CCNL2: variants seen among roughly 807,000 people sequenced by gnomAD.
The protein encoded by CCNL2 is cyclin-L2.
CCNL2 carries 28 observed loss-of-function variants against 59.1 expected under a neutral mutation model. That is an observed-to-expected ratio of 0.47 (90% confidence interval 0.35 to 0.65). The LOEUF (loss-of-function observed/expected upper bound fraction) is 0.65, where lower values mean the gene tolerates loss of function less well. CCNL2 is among the 30% of genes least tolerant of loss of function. CCNL2 has a pLI of 0.00. For missense variants in CCNL2, 714 were observed against 717.4 expected (o/e 1.00, Z 0.05); for synonymous variants, 342 against 288.6 (o/e 1.19, Z -1.88).
chr1:1,395,030 C>T (rs915503064), intron 4 of CCNL2, among the ~76,000 whole-genome samples: 1 of 152,074 alleles, frequency 6.6e-6, no homozygotes, highest in African/African-American at 2.4e-5. Flanking sequence ...TGCCACTGCA[C>T]TCCAGCCTGG....
In CCNL2 at chr1:1,390,857, A is replaced by G; in HGVS notation, c.668T>C (p.Met223Thr). 1 of 1,614,014 alleles carries G rather than the reference A, an allele frequency of 6.2e-7. No homozygotes were observed. Residue 223 changes from methionine (M) to threonine (T), a missense_variant, in exon 6 of 11, where the codon ATG (methionine) becomes ACG (threonine). Around this residue, in one of 5 missense-constraint regions of CCNL2, gnomAD observed 19 missense variants for 40.8 expected, o/e 0.47. Coordinates refer to ENST00000400809, the MANE Select transcript of CCNL2 (RefSeq NM_030937.6). ...QHLVQTSWNY[M>T]NDSLRTDVFV... ...GACGTCGGTGCGAAGGCTGTCGTTC[A>G]TGTAATTCCTGGAAGCCAAACACAG...
At chr1:1,398,734 T>A (rs1645195787) in intron 1 of CCNL2, 63 bp from the exon 2 acceptor site, 3 of 1,472,286 alleles carry the variant, frequency 2.0e-6, no homozygotes, top group Non-Finnish European at 2.9e-6. Flanking sequence ...CGGCCGAAAG[T>A]CATCGAGTAA....
intron 2 of CCNL2, 47 bp downstream of exon 2, chr1:1,398,550 A>G: frequency 6.3e-7 from 1 of 1,596,498 alleles, no homozygotes; most frequent in Non-Finnish European, 8.6e-7. Flanking sequence ...AAACCGTTTT[A>G]CCCTCAACAT....
In CCNL2 at chr1:1,390,449, G is replaced by C. The variant is rs1433844732; in HGVS notation, c.864+10C>G. 3 of 1,612,660 alleles carry C rather than the reference G, an allele frequency of 1.9e-6. No individual in the cohort carries two copies. Among genetic ancestry groups the C allele is most frequent in the South Asian group, 1.1e-5 (1 of 90,810 alleles). On this transcript the variant is annotated intron_variant, in intron 7 of 10. Coordinates refer to ENST00000400809, the MANE Select transcript of CCNL2 (RefSeq NM_030937.6). ...AAACGCATACGTTACATGAAAAAATGCCGAAGAACCTTTTTCCGAGCATAA... is the reference window on the plus strand; with the variant it reads ...AAACGCATACGTTACATGAAAAAATCCCGAAGAACCTTTTTCCGAGCATAA...
intron 3 of CCNL2, among the ~76,000 whole-genome samples, chr1:1,397,114 T>C (rs1403603081): frequency 6.6e-6 from 1 of 152,034 alleles, no homozygotes; most frequent in Non-Finnish European, 1.5e-5. Context: ...ACTCCTGACC[T>C]TAGGTGATCC....
At chr1:1,394,752 GAAAAAA>G (rs745453245) in intron 4 of CCNL2, among the ~76,000 whole-genome samples, 1 of 42,822 alleles carries the variant, frequency 2.3e-5, no homozygotes, top group African/African-American at 7.3e-5. Context: ...TCCGTCTCAA[GAAAAAA>G]AAAAAAAAAA....
In CCNL2 at chr1:1,387,987, G is replaced by C. The variant is rs369827861; in HGVS notation, c.1085C>G (p.Ala362Gly). ...GGGGCTGTCCGCCTTGGCTTTCTTG[G>C]CGCCCTCCAGCCTCCTCTTGGTGTT... ...VKNTKRRLEG[A>G]KKAKADSPVN... Residue 362 changes from alanine (A) to glycine (G), a missense_variant, in exon 9 of 11, where the codon GCC becomes GGC. Around this residue, in one of 5 missense-constraint regions of CCNL2, gnomAD observed 403 missense variants for 377.7 expected, o/e 1.07. Coordinates refer to ENST00000400809, the MANE Select transcript of CCNL2 (RefSeq NM_030937.6). 1.4e-5 allele frequency: 23 copies of C among 1,613,946 alleles called. No homozygotes were observed. In the African/African-American group the frequency reaches 3.1e-4, roughly 22 times the overall value.
In CCNL2 at chr1:1,387,494, G is replaced by A. The variant is rs761122977; in HGVS notation, c.1300C>T (p.Arg434Cys). The A allele has an allele frequency of 1.0e-5, 16 of 1,595,132 alleles. 1 individual carries two copies. Among genetic ancestry groups the A allele is most frequent in the African/African-American group, 2.7e-5 (2 of 74,196 alleles). The part of the protein sequence containing the change: ...RSDSPPRQAP[R>C]SAPYKGSEIR... ...TCAGAGCCTTTGTAGGGAGCGCTGCGGGGGGCCTGTCTCGGTGGGGAGTCA... is the reference window on the plus strand; with the variant it reads ...TCAGAGCCTTTGTAGGGAGCGCTGCAGGGGGCCTGTCTCGGTGGGGAGTCA... Residue 434 changes from arginine to cysteine, a missense_variant, in exon 11 of 11, where the codon CGC becomes TGC. Arg to Cys is a radical substitution (Grantham distance 180). Coordinates refer to ENST00000400809, the MANE Select transcript of CCNL2 (RefSeq NM_030937.6).
At chr1:1,392,581 A>C in intron 5 of CCNL2, 1 of 1,425,254 alleles carries the variant, frequency 7.0e-7, no homozygotes, top group Non-Finnish European at 9.1e-7. Flanking sequence ...TACCAACTCT[A>C]ATCAATACGA....
intron 3 of CCNL2, among the ~76,000 whole-genome samples, chr1:1,398,021 C>A (rs1645139376): frequency 6.6e-6 from 1 of 152,246 alleles, no homozygotes; most frequent in Admixed American, 6.5e-5. Flanking sequence ...CGCCACAGCG[C>A]ACTGTCCTCA....
rs1033411745 is a variant in CCNL2, at chr1:1,391,238, C to T, written c.660-373G>A. 7 of 1,102,850 alleles carry T rather than the reference C, an allele frequency of 6.3e-6. No homozygotes were observed. The East Asian group carries it at 2.2e-4, about 34-fold the overall frequency. 68.3% of individuals were successfully genotyped at this position (1,102,850 alleles called of 1,614,324 possible). A position where few individuals can be genotyped will look rare whatever the true frequency, so the allele number is the denominator to read the frequency against. The stretch of plus-strand genomic sequence containing the variant: ...AAAATGTCTACTGGAGTCACTAAAA[C>T]GCTTTTGATTAAAGAAATCTAAATG... On this transcript the variant is annotated intron_variant, in intron 5 of 10. Transcript: ENST00000400809.
Position 1,387,389 on chromosome 1 carries a change from A to G in CCNL2, c.1405T>C (p.Ser469Pro). 6.2e-7 allele frequency: 1 copy of G among 1,614,090 alleles called. No homozygotes were observed. The highest frequency in any genetic ancestry group is 8.5e-7 in the Non-Finnish European group (1 of 1,180,038). The change falls in exon 11 of 11, where the codon TCT (serine) becomes CCT (proline). Residue 469 changes from serine (S) to proline (P), a missense_variant. Ser to Pro is a moderately conservative substitution (Grantham distance 74). Around this residue, in one of 5 missense-constraint regions of CCNL2, gnomAD observed 403 missense variants for 377.7 expected, o/e 1.07. Transcript: ENST00000400809. ...HKSRSRSSSR[S>P]RSRSRERADN... ...GCCCGCTCCCGTGACCTGCTTCGAG[A>G]ACGGGAAGAACTCCGGCTCCGAGAC...
Position 1,387,402 on chromosome 1 carries a change from C to A in CCNL2, c.1392G>T (p.Arg464=). 6.2e-7 allele frequency: 1 copy of A among 1,614,172 alleles called. No homozygotes were observed. Among genetic ancestry groups the A allele is most frequent in the Middle Eastern group, 1.7e-4 (1 of 6,060 alleles). Residue 464 remains arginine (R), a synonymous_variant, in exon 11 of 11, where the codon CGG becomes CGT. Coordinates refer to ENST00000400809, the MANE Select transcript of CCNL2 (RefSeq NM_030937.6). ...YPQKPHKSRS[R]SSSRSRSRSR... ...ACCTGCTTCGAGAACGGGAAGAACT[C>A]CGGCTCCGAGACTTGTGTGGCTTCT...
At chr1:1,390,043 A>T (rs1254526931) in intron 8 of CCNL2, among the ~76,000 whole-genome samples, 187 bp downstream of exon 8, 1 of 151,148 alleles carries the variant, frequency 6.6e-6, no homozygotes, top group Admixed American at 6.6e-5. Context: ...ACTTGAATCC[A>T]GGAGTTGGAA....
intron 3 of CCNL2, among the ~76,000 whole-genome samples, chr1:1,396,551 C>T (rs929152738): frequency 3.9e-4 from 57 of 147,950 alleles, no homozygotes; most frequent in African/African-American, 1.4e-3. Context: ...TAGGCGTGAG[C>T]CACTGCGCTC....
chr1:1,395,574 C>T, intron 3 of CCNL2, 60 bp from the exon 4 acceptor site: 1 of 1,600,382 alleles, frequency 6.2e-7, no homozygotes, highest in Non-Finnish European at 8.5e-7. Flanking sequence ...CTTCTGAGAT[C>T]CCGTCGTTAC....
intron 3 of CCNL2, 109 bp from the exon 4 acceptor site, chr1:1,395,623 A>G (rs1179750887): frequency 6.8e-7 from 1 of 1,460,834 alleles, no homozygotes; most frequent in Non-Finnish European, 9.3e-7. Flanking sequence ...CCACAACACA[A>G]CATCGCTATG....
intron 4 of CCNL2, among the ~76,000 whole-genome samples, 197 bp from the exon 5 acceptor site, chr1:1,393,657 G>A (rs1644862342): frequency 6.6e-6 from 1 of 152,242 alleles, no homozygotes; most frequent in South Asian, 2.1e-4. Context: ...CAGGCAGGAC[G>A]CATGCCCGTG....
At chr1:1,392,929 AC>A in intron 5 of CCNL2, 1 of 953,354 alleles carries the variant, frequency 1.0e-6, no homozygotes, top group Non-Finnish European at 1.6e-6. Flanking sequence ...GAAAAAATTC[AC>A]CAGAATCCCC....
Sources: gnomAD v4.1 joint callset for allele counts (sites outside exome capture counted in the v4.1 genomes callset) on GRCh38, gnomAD v4.1.1 for gene constraint, gnomAD v4.1.1 regional missense constraint, MANE v1.5 for transcripts, NCBI Gene and HGNC (gene_info 2026-07-23, HGNC 2026-07-21) for gene names.